Variants in SCAPER observed in about 807,000 individuals in gnomAD.
The protein encoded by SCAPER is S phase cyclin A-associated protein in the endoplasmic reticulum.
A neutral mutation model predicts 182.2 loss-of-function variants in SCAPER; 98 were observed. The ratio of observed to expected loss-of-function variants is 0.54; its 90% CI spans 0.46 to 0.64. The LOEUF (loss-of-function observed/expected upper bound fraction) is 0.64. Among genes scored for constraint, SCAPER ranks in the 30% least tolerant of loss-of-function variants. SCAPER has a pLI of 0.00. For missense variants in SCAPER, 1,432 were observed against 1,690.0 expected (o/e 0.85, Z 2.68); for synonymous variants, 605 against 564.6 (o/e 1.07, Z -1.01).
intron 23 of SCAPER, among the ~76,000 whole-genome samples, chr15:76,553,427 G>T (rs1054125322): frequency 1.9e-4 from 29 of 152,216 alleles, no homozygotes; most frequent in Admixed American, 1.9e-3. Context: ...GGGAATGTAT[G>T]TATGGATGTT....
At chr15:76,350,566 A>C (rs993261871) in intron 31 of SCAPER, 1 of 152,242 alleles carries the variant, frequency 6.6e-6, no homozygotes. Flanking sequence ...AGATGCTGTC[A>C]TAACACCCAA....
intron 24 of SCAPER, among the ~76,000 whole-genome samples, chr15:76,476,595 A>ATT (rs5813839): frequency 0.21 from 15,556 of 73,358 alleles, 4,454 homozygotes; most frequent in Middle Eastern, 0.33. Flanking sequence ...CACCCAGCTA[A>ATT]TTTTTTTTTT....
chr15:76,539,792 G>A (rs975403359), intron 23 of SCAPER, among the ~76,000 whole-genome samples: 1 of 152,002 alleles, frequency 6.6e-6, no homozygotes, highest in East Asian at 1.9e-4. Context: ...TGATCTGCCC[G>A]CCTCGGCCTT....
intron 20 of SCAPER, among the ~76,000 whole-genome samples, chr15:76,679,779 T>C (rs528095756): frequency 7.9e-5 from 12 of 152,320 alleles, no homozygotes; most frequent in African/African-American, 2.6e-4. Flanking sequence ...CAATGATGAA[T>C]GAGGTAAACC....
chr15:76,542,569 A>C (rs2044862308), intron 23 of SCAPER, among the ~76,000 whole-genome samples: 2 of 150,708 alleles, frequency 1.3e-5, no homozygotes, highest in Non-Finnish European at 3.0e-5. Context: ...AAAATAAAAT[A>C]AAATAAAATA....
intron 4 of SCAPER, among the ~76,000 whole-genome samples, chr15:76,846,453 G>T (rs1184026650): frequency 6.6e-6 from 1 of 151,942 alleles, no homozygotes; most frequent in Non-Finnish European, 1.5e-5. Flanking sequence ...CTACCCATCT[G>T]ACAAGGGATT....
intron 29 of SCAPER, among the ~76,000 whole-genome samples, chr15:76,357,370 C>A (rs1274858287): frequency 6.6e-6 from 1 of 152,140 alleles, no homozygotes. Context: ...CTCAACATCA[C>A]TAATCATCAG....
chr15:76,810,572 CACACA>C (rs2066522959), intron 5 of SCAPER, among the ~76,000 whole-genome samples: 1 of 146,268 alleles, frequency 6.8e-6, no homozygotes, highest in Non-Finnish European at 1.5e-5. Context: ...CACACACACA[CACACA>C]AAAGAAGAGA....
At chr15:76,614,168 T>C (rs148387059) in intron 22 of SCAPER, among the ~76,000 whole-genome samples, 3 of 152,278 alleles carry the variant, frequency 2.0e-5, no homozygotes, top group African/African-American at 7.2e-5. Flanking sequence ...ATATCACATG[T>C]TCTCATTTAT....
At chr15:76,891,150 G>A (rs558599558) in intron 1 of SCAPER, among the ~76,000 whole-genome samples, 6 of 152,192 alleles carry the variant, frequency 3.9e-5, no homozygotes, top group Admixed American at 1.3e-4. Flanking sequence ...CAATAAACTA[G>A]GTATTGATGG....
chr15:76,873,336 AGGCAGGCAGGCAGGC>A (rs1568382535), intron 2 of SCAPER, among the ~76,000 whole-genome samples: 2,060 of 60,208 alleles, frequency 0.034, 31 homozygotes, highest in East Asian at 0.039. Context: ...GAAGGAAGGC[AGGCAGGCAGGCAGGC>A]AGGCAGGCAG....
intron 11 of SCAPER, 140 bp from the exon 12 acceptor site, chr15:76,765,778 C>T: frequency 1.5e-6 from 1 of 688,080 alleles, no homozygotes; most frequent in Non-Finnish European, 2.5e-6. Context: ...AAAAAGGTAC[C>T]TACCAGTACA....
chr15:76,767,826 T>A (rs1568066324), intron 10 of SCAPER, among the ~76,000 whole-genome samples: 1 of 151,952 alleles, frequency 6.6e-6, no homozygotes, highest in Non-Finnish European at 1.5e-5. Flanking sequence ...ATTATCAAAC[T>A]GGATAAAAAA....
intron 5 of SCAPER, among the ~76,000 whole-genome samples, chr15:76,806,828 A>C (rs947645540): frequency 6.6e-6 from 1 of 152,136 alleles, no homozygotes; most frequent in Non-Finnish European, 1.5e-5. Context: ...TGTTATTTTA[A>C]TGTAACTGCT....
chr15:76,858,984 A>T (rs1203076069), intron 3 of SCAPER, among the ~76,000 whole-genome samples: 1 of 152,178 alleles, frequency 6.6e-6, no homozygotes, highest in Admixed American at 6.5e-5. Flanking sequence ...TTGAGTATAT[A>T]CTCAGTAATT....
At position 76,765,272 on chromosome 15, in the gene SCAPER, T is replaced by C. The variant is rs985000067; in HGVS notation, c.1613+65A>G. On this transcript the variant is annotated intron_variant, in intron 13 of 31. Transcript: ENST00000563290. ...AAAAATGCCACGTAGCAATTTTATTTAACAGTCAAGAGTGGCTAGTTTCCT... is the reference window on the plus strand; with the variant it reads ...AAAAATGCCACGTAGCAATTTTATTCAACAGTCAAGAGTGGCTAGTTTCCT... The C allele has an allele frequency of 5.4e-6, 7 of 1,300,102 alleles. No individual in the cohort carries two copies. The Admixed American group carries it at 8.5e-5, about 16-fold the overall frequency. The allele number at this position is 1,300,102 out of a possible 1,614,324, so 80.5% of individuals were successfully genotyped here.
chr15:76,886,466 T>TGA (rs1400806521), intron 1 of SCAPER, among the ~76,000 whole-genome samples: 2 of 151,962 alleles, frequency 1.3e-5, no homozygotes, highest in Non-Finnish European at 1.5e-5. Flanking sequence ...GGCAACAGAG[T>TGA]GAGACTCTCT....
At chr15:76,872,472 C>G (rs747779754) in intron 2 of SCAPER, among the ~76,000 whole-genome samples, 1 of 151,960 alleles carries the variant, frequency 6.6e-6, no homozygotes, top group Non-Finnish European at 1.5e-5. Flanking sequence ...TCATTACCTT[C>G]AAAGGGGTGA....
At chr15:76,840,894 T>C (rs2069408949) in intron 5 of SCAPER, among the ~76,000 whole-genome samples, 1 of 152,152 alleles carries the variant, frequency 6.6e-6, no homozygotes, top group South Asian at 2.1e-4. Flanking sequence ...AAAACACACC[T>C]TACAATGACA....
Sources: gnomAD v4.1 joint callset for allele counts (sites outside exome capture counted in the v4.1 genomes callset) on GRCh38, gnomAD v4.1.1 for gene constraint, MANE v1.5 for transcripts, NCBI Gene and HGNC (gene_info 2026-07-23, HGNC 2026-07-21) for gene names.